The following XRCC1 variants were observed in gnomAD, a reference collection of about 807,000 sequenced individuals.
XRCC1 encodes the protein DNA repair protein XRCC1.
XRCC1 carries 52 observed loss-of-function variants against 83.3 expected under a neutral mutation model. The ratio of observed to expected loss-of-function variants is 0.62; its 90% CI spans 0.50 to 0.79. XRCC1 has a LOEUF of 0.79. Among genes scored for constraint, XRCC1 ranks in the 30% least tolerant of loss-of-function variants. The probability of loss-of-function intolerance (pLI) is 0.00; values close to 1 mark genes in which losing one functional copy is unlikely to be tolerated. For missense variants in XRCC1, 793 were observed against 823.5 expected (o/e 0.96, Z 0.45); for synonymous variants, 281 against 312.6 (o/e 0.90, Z 1.07).
rs1368207161 is a variant in XRCC1 at position 43,551,751 on chromosome 19, CA to C, written c.1083-65del. ...ATCTGAGGGGCAAAGGGGAACGAGA[CA>C]GGGGAGACAGACAGAGAGAGAGAGA... On this transcript the variant is annotated intron_variant, in intron 9 of 16. Coordinates refer to ENST00000262887, the MANE Select transcript of XRCC1 (RefSeq NM_006297.3). 6.5e-6 allele frequency: 8 copies of C among 1,227,322 alleles called. No individual in the cohort carries two copies. In the African/African-American group the frequency reaches 8.9e-5, roughly 14 times the overall value. 76.0% of individuals were successfully genotyped at this position (1,227,322 alleles called of 1,614,324 possible). A position where few individuals can be genotyped will look rare whatever the true frequency, so the allele number is the denominator to read the frequency against.
intron 4 of XRCC1, 33 bp from the exon 5 acceptor site, chr19:43,553,716 G>T: frequency 2.0e-6 from 3 of 1,502,712 alleles, no homozygotes; most frequent in Non-Finnish European, 2.7e-6. Flanking sequence ...CAGGGAGTCT[G>T]GCCCAAGGAC....
At chr19:43,557,792 CAAAAAAAAAAAAAAAA>C (rs35267441) in intron 3 of XRCC1, among the ~76,000 whole-genome samples, 1 of 41,002 alleles carries the variant, frequency 2.4e-5, no homozygotes, top group East Asian at 9.3e-4. Flanking sequence ...AATTCCATCT[CAAAAAAAAAAAAAAAA>C]AAAAAAAAAA....
At chr19:43,555,217 CAG>C (rs754776978) in intron 3 of XRCC1, 25 of 155,812 alleles carry the variant, frequency 1.6e-4, no homozygotes, top group Non-Finnish European at 3.6e-4. Flanking sequence ...AAACAGAATC[CAG>C]AGAGTCAGGC....
In XRCC1 at chr19:43,545,815, C is replaced by G. The variant is rs200655451; in HGVS notation, c.1621+3G>C. On this transcript the variant is annotated splice_donor_region_variant and intron_variant, in intron 14 of 16. Coordinates refer to ENST00000262887, the MANE Select transcript of XRCC1 (RefSeq NM_006297.3). ...CTTCAGGAGGGATGGGGGGATTTCCCACCTGGGAGCTCAGGGACTGGCAGA... is the reference window on the plus strand; with the variant it reads ...CTTCAGGAGGGATGGGGGGATTTCCGACCTGGGAGCTCAGGGACTGGCAGA... 6.2e-7 allele frequency: 1 copy of G among 1,613,464 alleles called. No homozygotes were observed. The highest frequency in any genetic ancestry group is 1.3e-5 in the African/African-American group (1 of 75,000).
At chr19:43,545,756 A>G in intron 14 of XRCC1, 62 bp downstream of exon 14, 1 of 1,591,554 alleles carries the variant, frequency 6.3e-7, no homozygotes, top group Non-Finnish European at 8.6e-7. Context: ...GGCCAGGGCA[A>G]GTCCCAGCTG....
intron 3 of XRCC1, among the ~76,000 whole-genome samples, chr19:43,559,150 A>T (rs1972669460): frequency 1.3e-5 from 2 of 151,248 alleles, no homozygotes; most frequent in Admixed American, 6.6e-5. Context: ...TAAAATAAAT[A>T]AAATAAATAA....
At position 43,544,212 on chromosome 19, in the gene XRCC1, G is replaced by A. The variant is rs1310618716; in HGVS notation, c.1644C>T (p.Phe548=). The A allele has an allele frequency of 8.1e-6, 13 of 1,610,494 alleles. No homozygotes were observed. The highest frequency in any genetic ancestry group is 1.1e-5 in the Non-Finnish European group (13 of 1,178,454). Residue 548 remains phenylalanine (F), a synonymous_variant, in exon 15 of 17, where the codon TTC becomes TTT. Transcript: ENST00000262887. ...ELPDFFQGKH[F]FLYGEFPGDE... is the part of the protein sequence containing the mutation. ...CCCCAGGGAACTCCCCGTAAAGAAA[G>A]AAGTGCTTGCCCTGGAAGAAATCTG...
At chr19:43,545,790 C>T (rs772704186) in intron 14 of XRCC1, 28 bp downstream of exon 14, 1 of 1,611,538 alleles carries the variant, frequency 6.2e-7, no homozygotes, top group South Asian at 1.1e-5. Flanking sequence ...GAAAATGCCA[C>T]TTCAGGAGGG....
chr19:43,566,105 G>A (rs3213294), intron 2 of XRCC1, among the ~76,000 whole-genome samples: 3,727 of 152,020 alleles, frequency 0.025, 175 homozygotes, highest in African/African-American at 0.085. Flanking sequence ...ACTTGGTGGC[G>A]TGCACCTGTA....
intron 10 of XRCC1, 44 bp downstream of exon 10, chr19:43,551,527 G>T (rs2146048618): frequency 6.5e-7 from 1 of 1,540,540 alleles, no homozygotes; most frequent in Non-Finnish European, 9.0e-7. Flanking sequence ...TCCTGGCATT[G>T]CCCAGCACAG....
chr19:43,549,082 C>T (rs756600627), intron 10 of XRCC1, among the ~76,000 whole-genome samples: 2 of 152,044 alleles, frequency 1.3e-5, no homozygotes, highest in East Asian at 3.8e-4. Context: ...ACTCATAAAA[C>T]GGTGCCTACA....
chr19:43,574,964 G>A lies in XRCC1; in HGVS notation c.90C>T (p.Tyr30=). The change falls in exon 2 of 17, where the codon TAC becomes TAT. Residue 30 remains tyrosine (Y), a synonymous_variant. Coordinates refer to ENST00000262887, the MANE Select transcript of XRCC1 (RefSeq NM_006297.3). The part of the protein sequence containing the change: ...CAENLLKADT[Y]RKWRAAKAGE... ...CTGCCTTGGCTGCCCGCCATTTTCG[G>A]TAAGTGTCTGCCTTGAGAAGATTTT... 1.9e-6 allele frequency: 3 copies of A among 1,614,172 alleles called. No individual in the cohort carries two copies. The highest frequency in any genetic ancestry group is 2.5e-6 in the Non-Finnish European group (3 of 1,180,010).
intron 14 of XRCC1, among the ~76,000 whole-genome samples, chr19:43,545,554 G>A (rs926493806): frequency 1.3e-5 from 2 of 152,140 alleles, no homozygotes; most frequent in Non-Finnish European, 2.9e-5. Context: ...AAAAAAAGGA[G>A]GTCACACCTG....
intron 10 of XRCC1, among the ~76,000 whole-genome samples, chr19:43,549,557 A>G (rs1189668504): frequency 6.6e-6 from 1 of 152,106 alleles, no homozygotes; most frequent in East Asian, 1.9e-4. Flanking sequence ...CACTGCACTC[A>G]GCCAAATTTT....
intron 2 of XRCC1, among the ~76,000 whole-genome samples, chr19:43,564,372 G>A (rs1469659173): frequency 6.6e-6 from 1 of 152,078 alleles, no homozygotes; most frequent in Non-Finnish European, 1.5e-5. Flanking sequence ...GCTTGCCTGG[G>A]TGTCCCATCT....
chr19:43,547,074 C>G, intron 10 of XRCC1, 97 bp from the exon 11 acceptor site: 1 of 1,156,722 alleles, frequency 8.6e-7, no homozygotes, highest in South Asian at 1.4e-5. Flanking sequence ...AATACTCACT[C>G]TAGTGGGCCT....
chr19:43,544,287 C>T (rs1972486549), intron 14 of XRCC1, 53 bp from the exon 15 acceptor site: 4 of 1,505,690 alleles, frequency 2.7e-6, no homozygotes, highest in Non-Finnish European at 2.7e-6. Context: ...AGTTCCCAGG[C>T]ACCAAACAGG....
chr19:43,548,067 G>T (rs1045132767), intron 10 of XRCC1, among the ~76,000 whole-genome samples: 14 of 51,826 alleles, frequency 2.7e-4, no homozygotes, highest in African/African-American at 8.1e-4. Flanking sequence ...CGCCCCGTCG[G>T]GGGGGAGGTG....
chr19:43,548,660 A>G (rs1972543244), intron 10 of XRCC1, among the ~76,000 whole-genome samples: 1 of 151,558 alleles, frequency 6.6e-6, no homozygotes, highest in South Asian at 2.1e-4. Context: ...TCCTCTGCCT[A>G]GGAAAGCCAG....
Sources: allele counts gnomAD v4.1 joint callset (sites outside exome capture counted in the v4.1 genomes callset), GRCh38; gene constraint gnomAD v4.1.1; transcripts MANE v1.5; gene names NCBI Gene and HGNC (gene_info 2026-07-23, HGNC 2026-07-21).